OGA: variants seen among roughly 807,000 people sequenced by gnomAD.
OGA encodes the protein protein O-GlcNAcase.
A neutral mutation model predicts 102.0 loss-of-function variants in OGA; 21 were observed. The observed-to-expected ratio is 0.21, with a 90% CI of 0.15 to 0.30. The LOEUF is 0.30. OGA is among the 10% of genes least tolerant of loss of function. OGA has a pLI of 1.00. For synonymous variants in OGA, 408 were observed against 378.2 expected, an observed-to-expected ratio of 1.08 and a Z score of -0.91; for missense variants, 765 against 1,107.8, an observed-to-expected ratio of 0.69 and a Z score of 4.39.
intron 8 of OGA, 40 bp downstream of exon 8, chr10:101,800,200 CTA>C: frequency 6.3e-7 from 1 of 1,585,520 alleles, no homozygotes; most frequent in Middle Eastern, 1.7e-4. Flanking sequence ...TGTGACTCAA[CTA>C]TGTGATCTAA....
Position 101,817,883 on chromosome 10 carries a change from C to T in OGA, c.140G>A (p.Gly47Glu), listed in dbSNP as rs766008174. The T allele has an allele frequency of 1.6e-4, 252 of 1,555,228 alleles. No individual in the cohort carries two copies. The highest frequency in any genetic ancestry group is 1.9e-4 in the Non-Finnish European group (224 of 1,153,314). The change falls in exon 1 of 16, where the codon GGA becomes GAA. Residue 47 changes from glycine to glutamate, a missense_variant. Physicochemically the swap from Gly to Glu is moderately conservative, Grantham distance 98. Coordinates refer to ENST00000361464, the MANE Select transcript of OGA (RefSeq NM_012215.5). ...PGEDNPAGAG[G>E]AAVAGAAGGA... ...TCCTGCAGCCCCGGCCACCGCCGCT[C>T]CCCCAGCCCCGGCGGGGTTGTCTTC... is the stretch of plus-strand genomic sequence containing the variant.
intron 10 of OGA, chr10:101,796,004 T>C: frequency 1.8e-6 from 1 of 544,044 alleles, no homozygotes; most frequent in Non-Finnish European, 2.3e-6. Context: ...CTGTGTATCA[T>C]TAAGAATTTA....
At position 101,793,718 on chromosome 10, in the gene OGA, G is replaced by A. The variant is rs894037978; in HGVS notation, c.2070+195C>T. On this transcript the variant is annotated intron_variant, in intron 11 of 15. Transcript: ENST00000361464. ...CGCTGCGCTTCGCAGGCGCGGGGGGGATTGGCAGCATCTCCTTCAGAAATT... is the reference window on the plus strand; with the variant it reads ...CGCTGCGCTTCGCAGGCGCGGGGGGAATTGGCAGCATCTCCTTCAGAAATT... 6.0e-5 allele frequency: 31 copies of A among 514,636 alleles called. No homozygotes were observed. In the East Asian group the frequency reaches 1.1e-3, roughly 18 times the overall value. The allele number at this position is 514,636 out of a possible 1,614,324, so 31.9% of individuals were successfully genotyped here. A position where few individuals can be genotyped will look rare whatever the true frequency, so the allele number is the denominator to read the frequency against.
chr10:101,810,741 G>A (rs940607384), intron 3 of OGA, among the ~76,000 whole-genome samples: 4 of 152,146 alleles, frequency 2.6e-5, no homozygotes, highest in Non-Finnish European at 4.4e-5. Flanking sequence ...AAATGCAGCC[G>A]CTGCTTTTTT....
rs757772419 is a variant in OGA, at chr10:101,803,766, G to A, written c.1005C>T (p.Asn335=). Residue 335 remains asparagine (N), a synonymous_variant, in exon 7 of 16, where the codon AAC becomes AAT. Transcript: ENST00000361464. ...IHTLATWYKS[N]MNGVRKDVVM... is the part of the protein sequence containing the mutation. ...CTACATCTTTTCTCACTCCATTCAT[G>A]TTTGATTTGTACCAGGTGGCAAGGG... is the stretch of plus-strand genomic sequence containing the variant. 6.2e-7 allele frequency: 1 copy of A among 1,614,138 alleles called. No homozygotes were observed.
At chr10:101,814,222 G>A (rs535279436) in intron 1 of OGA, among the ~76,000 whole-genome samples, 4 of 152,220 alleles carry the variant, frequency 2.6e-5, no homozygotes, top group African/African-American at 9.6e-5. Context: ...CCAGCTATTT[G>A]GGAGGCTGAG....
In OGA at chr10:101,790,262, CTTG is replaced by C. The variant is rs1160557651; in HGVS notation, c.2454+631_2454+633del. Among the ~76,000 whole-genome samples, 19 of 125,450 alleles carry C rather than the reference CTTG, an allele frequency of 1.5e-4. No homozygotes were observed. The East Asian group carries it at 2.1e-3, about 14-fold the overall frequency. 82.3% of individuals were successfully genotyped at this position (125,450 alleles called of 152,430 possible). A position where few individuals can be genotyped will look rare whatever the true frequency, so the allele number is the denominator to read the frequency against. On this transcript the variant is annotated intron_variant, in intron 14 of 15. Coordinates refer to ENST00000361464, the MANE Select transcript of OGA (RefSeq NM_012215.5). ...GTACTCAACAAAACGACCATAATAT[CTTG>C]TTTTTTTTTTTTTTTTTTTTTTTTT...
chr10:101,797,757 T>G (rs1375174778), intron 10 of OGA: 1 of 599,396 alleles, frequency 1.7e-6, no homozygotes, highest in Non-Finnish European at 2.9e-6. Flanking sequence ...TTTAAGATAC[T>G]TATGCTGAAT....
At chr10:101,798,596 T>C (rs1000349212) in intron 9 of OGA, among the ~76,000 whole-genome samples, 27 of 152,138 alleles carry the variant, frequency 1.8e-4, no homozygotes, top group African/African-American at 6.5e-4. Flanking sequence ...GTATTTTTAG[T>C]ACAGATGGGG....
At chr10:101,817,687 C>G in intron 1 of OGA, 137 bp downstream of exon 1, 1 of 974,172 alleles carries the variant, frequency 1.0e-6, no homozygotes, top group African/African-American at 1.7e-5. Context: ...TCTCGTCTCT[C>G]CCCTCGCTTT....
Position 101,798,089 on chromosome 10 carries a change from G to C in OGA, c.1875C>G (p.Phe625Leu), listed in dbSNP as rs527557035. ...EEMCGLVMGMFTRLSNCANRT... is the reference protein window; with the variant it reads ...EEMCGLVMGMLTRLSNCANRT... ...TGTTGGCACAATTGGAGAGCCGAGT[G>C]AACATTCCCATCACTAGTCCACACA... is the stretch of plus-strand genomic sequence containing the variant. The change falls in exon 10 of 16, where the codon TTC becomes TTG. Residue 625 changes from phenylalanine (F) to leucine (L), a missense_variant. Physicochemically the swap from Phe to Leu is conservative, Grantham distance 22. Around this residue, in one of 7 missense-constraint regions of OGA, gnomAD observed 281 missense variants for 345.8 expected, o/e 0.81. Coordinates refer to ENST00000361464, the MANE Select transcript of OGA (RefSeq NM_012215.5). 6.2e-7 allele frequency: 1 copy of C among 1,613,934 alleles called. No individual in the cohort carries two copies. Among genetic ancestry groups the C allele is most frequent in the Non-Finnish European group, 8.5e-7 (1 of 1,179,988 alleles).
intron 6 of OGA, among the ~76,000 whole-genome samples, chr10:101,804,400 G>C (rs1257410075): frequency 6.6e-6 from 1 of 151,428 alleles, no homozygotes; most frequent in Non-Finnish European, 1.5e-5. Context: ...AGCCTCCTGA[G>C]TAGCTGGGAC....
At position 101,792,961 on chromosome 10, in the gene OGA, A is replaced by G; in HGVS notation, c.2071-18T>C. ...AGCAAACGCTGTGGGAAGAAAAAAA[A>G]GGAGATGGATTAGTTTGGGGAAGGT... On this transcript the variant is annotated intron_variant, in intron 11 of 15. Coordinates refer to ENST00000361464, the MANE Select transcript of OGA (RefSeq NM_012215.5). 1 of 1,593,902 alleles carries G rather than the reference A, an allele frequency of 6.3e-7. No homozygotes were observed. The highest frequency in any genetic ancestry group is 2.2e-5 in the East Asian group (1 of 44,774).
chr10:101,790,334 G>A (rs563727611), intron 14 of OGA, among the ~76,000 whole-genome samples: 14 of 140,036 alleles, frequency 1.0e-4, no homozygotes, highest in South Asian at 2.3e-4. Flanking sequence ...GTGCAGTGGC[G>A]CCATCTCAGC....
chr10:101,807,763 C>T lies in OGA; in HGVS notation c.619G>A (p.Gly207Arg). 1.2e-6 allele frequency: 2 copies of T among 1,606,990 alleles called. No individual in the cohort carries two copies. Among genetic ancestry groups the T allele is most frequent in the Non-Finnish European group, 1.7e-6 (2 of 1,177,708 alleles). The stretch of plus-strand genomic sequence containing the variant: ...CAGAAGAGGAAAGTTTCTGGCTCTC[C>T]TAGGTACTGATAGATTTCATTTGTG... Reference protein sequence around the residue: ...SITNEIYQYLGEPETFLFCPT... With the variant: ...SITNEIYQYLREPETFLFCPT... The change falls in exon 5 of 16, where the codon GGA becomes AGA. Residue 207 changes from glycine (G) to arginine (R), a missense_variant. Gly to Arg is a moderately radical substitution (Grantham distance 125). This residue lies in a region of OGA where 165 missense variants were observed against 249.7 expected (regional missense o/e 0.66). Coordinates refer to ENST00000361464, the MANE Select transcript of OGA (RefSeq NM_012215.5).
intron 6 of OGA, 151 bp from the exon 7 acceptor site, chr10:101,804,170 C>A: frequency 4.6e-6 from 2 of 438,622 alleles, no homozygotes; most frequent in Non-Finnish European, 4.0e-6. Context: ...ACAGCGAGAC[C>A]CTATCTTTTT....
chr10:101,810,414 A>G, intron 3 of OGA, 100 bp from the exon 4 acceptor site: 1 of 1,105,434 alleles, frequency 9.0e-7, no homozygotes, highest in Non-Finnish European at 1.3e-6. Context: ...AACTTACAAG[A>G]AAGGAAAAGA....
At chr10:101,788,036 C>T (rs1211730537) in intron 14 of OGA, 1 of 151,928 alleles carries the variant, frequency 6.6e-6, no homozygotes, top group Non-Finnish European at 1.5e-5. Flanking sequence ...GAGGCTGAGG[C>T]AAGAGAATGG....
Position 101,798,894 on chromosome 10 carries a change from C to G in OGA, c.1757G>C (p.Arg586Pro), listed in dbSNP as rs1401336687. The change falls in exon 9 of 16, where the codon CGA (arginine) becomes CCA (proline). Residue 586 changes from arginine to proline, a missense_variant. This residue lies in a region of OGA where 281 missense variants were observed against 345.8 expected (regional missense o/e 0.81). Coordinates refer to ENST00000361464, the MANE Select transcript of OGA (RefSeq NM_012215.5). ...GACACTGACAACACTACTATTTGCT[C>G]GAAGCCATTGAAATTCCCGTAACAT... ...AQMLREFQWL[R>P]ANSSVVSVNC... 6.2e-7 allele frequency: 1 copy of G among 1,613,968 alleles called. No homozygotes were observed. Among genetic ancestry groups the G allele is most frequent in the African/African-American group, 1.3e-5 (1 of 74,914 alleles).
Sources: gnomAD v4.1 joint callset for allele counts (sites outside exome capture counted in the v4.1 genomes callset) on GRCh38, gnomAD v4.1.1 for gene constraint, gnomAD v4.1.1 regional missense constraint, MANE v1.5 for transcripts, NCBI Gene and HGNC (gene_info 2026-07-23, HGNC 2026-07-21) for gene names.